Variants in NDC80 observed in about 807,000 individuals in gnomAD.
NDC80 encodes the protein NDC80 kinetochore complex component, also known as kinetochore protein NDC80 homolog.
A neutral mutation model predicts 89.3 loss-of-function variants in NDC80; 69 were observed. That is an observed-to-expected ratio of 0.77 (90% CI 0.64 to 0.94). The LOEUF (loss-of-function observed/expected upper bound fraction) is 0.94. Among genes scored for constraint, NDC80 ranks in the 40% least tolerant of loss-of-function variants. The pLI is 0.00. For missense variants in NDC80, 593 were observed against 739.6 expected, an observed-to-expected ratio of 0.80 and a Z score of 2.30; for synonymous variants, 243 against 255.6, an observed-to-expected ratio of 0.95 and a Z score of 0.47.
intron 16 of NDC80, among the ~76,000 whole-genome samples, chr18:2,612,907 C>T (rs1481586425): frequency 2.0e-5 from 3 of 152,098 alleles, no homozygotes; most frequent in African/African-American, 7.2e-5. Context: ...AGTGTGGTTC[C>T]AATAAACAAT....
intron 16 of NDC80, among the ~76,000 whole-genome samples, 160 bp downstream of exon 16, chr18:2,611,021 C>T (rs1048282146): frequency 2.7e-5 from 4 of 149,370 alleles, no homozygotes; most frequent in South Asian, 2.1e-4. Context: ...GATGTGGCAA[C>T]GTGATGCAGG....
intron 16 of NDC80, among the ~76,000 whole-genome samples, chr18:2,613,640 G>A (rs763577525): frequency 4.6e-4 from 70 of 152,148 alleles, no homozygotes; most frequent in Non-Finnish European, 1.8e-4. Context: ...TAACTTTTAC[G>A]AGAATTATAA....
chr18:2,597,729 T>TAA (rs11390329), intron 11 of NDC80, among the ~76,000 whole-genome samples: 14 of 147,918 alleles, frequency 9.5e-5, no homozygotes, highest in Admixed American at 1.3e-4. Context: ...AAACTCTGTC[T>TAA]AAAAAAAAAA....
intron 2 of NDC80, among the ~76,000 whole-genome samples, chr18:2,574,155 G>A (rs1364038535): frequency 6.6e-6 from 1 of 152,088 alleles, no homozygotes; most frequent in Admixed American, 6.5e-5. Flanking sequence ...CTCATAGGTG[G>A]AAGCTAAAAA....
At chr18:2,609,216 G>A (rs572379298) in intron 15 of NDC80, among the ~76,000 whole-genome samples, 1 of 152,170 alleles carries the variant, frequency 6.6e-6, no homozygotes, top group Admixed American at 6.5e-5. Flanking sequence ...TAGAAATTAT[G>A]TATATTATAT....
chr18:2,588,527 T>C (rs1011132161), intron 8 of NDC80, among the ~76,000 whole-genome samples: 2 of 152,168 alleles, frequency 1.3e-5, no homozygotes, highest in Non-Finnish European at 2.9e-5. Flanking sequence ...AATAGTCTTG[T>C]ATATAAAATG....
At chr18:2,614,569 GA>G (rs1405690370) in intron 16 of NDC80, 1 of 6,076 alleles carries the variant, frequency 1.6e-4, no homozygotes, top group Non-Finnish European at 2.8e-4. Flanking sequence ...GGAAGGGAAA[GA>G]AAGAAAGAAA....
intron 16 of NDC80, among the ~76,000 whole-genome samples, chr18:2,612,986 CAG>C (rs749878672): frequency 1.3e-5 from 2 of 152,134 alleles, no homozygotes; most frequent in Non-Finnish European, 2.9e-5. Context: ...CTAAAGAAAA[CAG>C]AGAGGGGGGT....
intron 16 of NDC80, among the ~76,000 whole-genome samples, chr18:2,612,715 G>T (rs2072752088): frequency 6.6e-6 from 1 of 152,174 alleles, no homozygotes; most frequent in Admixed American, 6.5e-5. Context: ...AGCTAGATTT[G>T]AAAACCTAAT....
chr18:2,578,549 A>C (rs2072560319), intron 5 of NDC80, among the ~76,000 whole-genome samples: 2 of 152,234 alleles, frequency 1.3e-5, no homozygotes, highest in South Asian at 4.1e-4. Flanking sequence ...AAAACAAAAA[A>C]AAACAGGATT....
At chr18:2,589,164 G>A (rs756629122) in intron 8 of NDC80, 40 bp from the exon 9 acceptor site, 32 of 1,289,048 alleles carry the variant, frequency 2.5e-5, no homozygotes, top group Middle Eastern at 1.8e-4. Flanking sequence ...TGTTCTAGGC[G>A]GATTTGAGGT....
Position 2,601,501 on chromosome 18 carries a change from T to C in NDC80, c.1464+16T>C, listed in dbSNP as rs1264682200. ...TTTAGAACAAGTAAGTAATAAAACA[T>C]AAAAAGTCATAAAAAGTGAAAATTA... On this transcript the variant is annotated intron_variant, in intron 13 of 16. Coordinates refer to ENST00000261597, the MANE Select transcript of NDC80 (RefSeq NM_006101.3). The C allele has an allele frequency of 3.7e-6, 4 of 1,081,048 alleles. No individual in the cohort carries two copies. Among genetic ancestry groups the C allele is most frequent in the Non-Finnish European group, 5.2e-6 (4 of 775,476 alleles). 67.0% of individuals were successfully genotyped at this position (1,081,048 alleles called of 1,614,324 possible).
Position 2,613,235 on chromosome 18 carries a change from T to C in NDC80, c.1791+2374T>C, listed in dbSNP as rs150193738. Among the ~76,000 whole-genome samples, 988 of 152,362 alleles carry C rather than the reference T, an allele frequency of 6.5e-3. 10 individuals carry two copies. Among genetic ancestry groups the C allele is most frequent in the African/African-American group, 0.022 (931 of 41,576 alleles). On this transcript the variant is annotated intron_variant, in intron 16 of 16. Transcript: ENST00000261597. ...AGTATATCTTTGGCTGGTTTTGCAC[T>C]ACAGTGGCAGAATTGAGCAATTGTT...
At chr18:2,608,194 T>C (rs141064674) in intron 14 of NDC80, among the ~76,000 whole-genome samples, 15 of 151,020 alleles carry the variant, frequency 9.9e-5, no homozygotes, top group African/African-American at 3.6e-4. Context: ...ATTTTCAAAT[T>C]AAAAAATAAT....
At chr18:2,615,666 A>G (rs565845110) in intron 16 of NDC80, among the ~76,000 whole-genome samples, 4 of 152,344 alleles carry the variant, frequency 2.6e-5, no homozygotes, top group South Asian at 2.1e-4. Flanking sequence ...TCAGCCTACT[A>G]TACCTGGGAA....
intron 8 of NDC80, among the ~76,000 whole-genome samples, chr18:2,588,585 A>G (rs1304193866): frequency 6.6e-6 from 1 of 152,202 alleles, no homozygotes; most frequent in Non-Finnish European, 1.5e-5. Context: ...CTATTCCTCC[A>G]ACAATGGAAT....
At chr18:2,604,549 G>T (rs1468679628) in intron 13 of NDC80, among the ~76,000 whole-genome samples, 1 of 152,166 alleles carries the variant, frequency 6.6e-6, no homozygotes, top group East Asian at 1.9e-4. Flanking sequence ...GGATGTAGTG[G>T]CATGCACCTG....
intron 13 of NDC80, among the ~76,000 whole-genome samples, chr18:2,603,179 C>T (rs1010236091): frequency 6.6e-6 from 1 of 151,626 alleles, no homozygotes; most frequent in Non-Finnish European, 1.5e-5. Context: ...GTCATTAGAG[C>T]ATATGTAATA....
At chr18:2,603,641 TG>T (rs2072695907) in intron 13 of NDC80, among the ~76,000 whole-genome samples, 1 of 151,866 alleles carries the variant, frequency 6.6e-6, no homozygotes, top group African/African-American at 2.4e-5. Context: ...AAATATAAAA[TG>T]AGAAATAGTT....
Sources: allele counts gnomAD v4.1 joint callset (sites outside exome capture counted in the v4.1 genomes callset), GRCh38; gene constraint gnomAD v4.1.1; transcripts MANE v1.5; gene names NCBI Gene and HGNC (gene_info 2026-07-23, HGNC 2026-07-21).